MEX3B: variants seen among roughly 807,000 people sequenced by gnomAD.
MEX3B encodes the protein RNA-binding protein MEX3B.
MEX3B carries 10 observed loss-of-function variants against 12.2 expected under a neutral mutation model. The observed-to-expected ratio is 0.82, with a 90% CI of 0.51 to 1.40. MEX3B has a LOEUF of 1.40. MEX3B is among the 40% of genes most tolerant of loss of function. The probability of loss-of-function intolerance (pLI) is 0.00; values close to 1 mark genes in which losing one functional copy is unlikely to be tolerated. For missense variants in MEX3B, 839 were observed against 801.4 expected (o/e 1.05, Z -0.57); for synonymous variants, 498 against 356.3 (o/e 1.40, Z -4.48).
Position 82,043,402 on chromosome 15 carries a change from T to G in MEX3B, c.1468A>C (p.Thr490Pro), listed in dbSNP as rs778854304. The G allele has an allele frequency of 6.3e-7, 1 of 1,581,518 alleles. No homozygotes were observed. Among genetic ancestry groups the G allele is most frequent in the Non-Finnish European group, 8.6e-7 (1 of 1,163,796 alleles). ...AQLPGLQPSDTSGSSSSSSSS... is the reference protein window; with the variant it reads ...AQLPGLQPSDPSGSSSSSSSS... ...CTGGACGAAGAGGAGGAGCCCGACG[T>G]GTCCGACGGCTGCAAGCCAGGCAGC... is the stretch of plus-strand genomic sequence containing the variant. The change falls in exon 2 of 2, where the codon ACG (threonine) becomes CCG (proline). Residue 490 changes from threonine (T) to proline (P), a missense_variant. Thr to Pro is a conservative substitution (Grantham distance 38, BLOSUM62 -1). Around this residue, in one of 3 missense-constraint regions of MEX3B, gnomAD observed 573 missense variants for 488.9 expected, o/e 1.17. Coordinates refer to ENST00000329713, the MANE Select transcript of MEX3B (RefSeq NM_032246.6).
In MEX3B at chr15:82,044,331, C is replaced by T; in HGVS notation, c.539G>A (p.Gly180Asp). 6.2e-7 allele frequency: 1 copy of T among 1,612,572 alleles called. No homozygotes were observed. Among genetic ancestry groups the T allele is most frequent in the Non-Finnish European group, 8.5e-7 (1 of 1,179,960 alleles). The change falls in exon 2 of 2, where the codon GGC (glycine) becomes GAC (aspartate). Residue 180 changes from glycine to aspartate, a missense_variant. Transcript: ENST00000329713. The surrounding 1 kb of genome is among the most constrained non-coding windows in gnomAD (Gnocchi z 5.3). ...CTGCTGGATGCGCTTGATTGTGGCG[C>T]CTTTGGGCCCCACCACGAGCCCCAC... ...RVVGLVVGPK[G>D]ATIKRIQQQT...
At position 82,046,010 on chromosome 15, in the gene MEX3B, G is replaced by C. The variant is rs1159373534; in HGVS notation, c.-305C>G. 5 of 340,336 alleles carry C rather than the reference G, an allele frequency of 1.5e-5. No homozygotes were observed. The highest frequency in any genetic ancestry group is 1.1e-4 in the African/African-American group (5 of 46,790). 21.1% of individuals were successfully genotyped at this position (340,336 alleles called of 1,614,324 possible). Reference sequence around the variant, plus strand: ...CCCGGCTGGCTGGCCGCAATGCCGAGCGAAAAGCGAGCAGGCGAGCGACAG... The same window carrying C: ...CCCGGCTGGCTGGCCGCAATGCCGACCGAAAAGCGAGCAGGCGAGCGACAG... On this transcript the variant is annotated 5_prime_UTR_variant, in exon 1 of 2. Coordinates refer to ENST00000329713, the MANE Select transcript of MEX3B (RefSeq NM_032246.6).
In MEX3B at chr15:82,044,774, G is replaced by T; in HGVS notation, c.257-161C>A. The T allele has an allele frequency of 2.8e-6, 2 of 724,528 alleles. No individual in the cohort carries two copies. Among genetic ancestry groups the T allele is most frequent in the Non-Finnish European group, 4.6e-6 (2 of 435,378 alleles). The allele number at this position is 724,528 out of a possible 1,614,324, so 44.9% of individuals were successfully genotyped here. ...GCGTCTCCCTCACTGACCTCGGGCC[G>T]CGCCACGGGCTGGGCAGCGGATCCC... On this transcript the variant is annotated intron_variant, in intron 1 of 1. Transcript: ENST00000329713. This position sits in a 1 kb window ranked among gnomAD's most constrained non-coding sequence, Gnocchi z 5.3.
In MEX3B at chr15:82,043,970, A is replaced by G. The variant is rs780499648; in HGVS notation, c.900T>C (p.Tyr300=). ...SSLGSASTDS[Y]FGGGTSSSAA... Reference sequence around the variant, plus strand: ...CGCTGCTGCTGGTCCCGCCGCCGAAATAAGAGTCTGTGGAAGCACTGCCAA... The same window carrying G: ...CGCTGCTGCTGGTCCCGCCGCCGAAGTAAGAGTCTGTGGAAGCACTGCCAA... Residue 300 remains tyrosine (Y), a synonymous_variant, in exon 2 of 2, where the codon TAT becomes TAC. Transcript: ENST00000329713. The G allele has an allele frequency of 6.8e-6, 11 of 1,609,464 alleles. No homozygotes were observed. In the South Asian group the frequency reaches 8.8e-5, roughly 13 times the overall value.
chr15:82,044,572 T>A lies in MEX3B; in HGVS notation c.298A>T (p.Ile100Phe). 6.2e-7 allele frequency: 1 copy of A among 1,614,132 alleles called. No individual in the cohort carries two copies. The highest frequency in any genetic ancestry group is 8.5e-7 in the Non-Finnish European group (1 of 1,180,022). The change falls in exon 2 of 2, where the codon ATC becomes TTC. Residue 100 changes from isoleucine to phenylalanine, a missense_variant. Physicochemically the swap from Ile to Phe is conservative, Grantham distance 21. Coordinates refer to ENST00000329713, the MANE Select transcript of MEX3B (RefSeq NM_032246.6). The surrounding 1 kb of genome is among the most constrained non-coding windows in gnomAD (Gnocchi z 5.3). ...KALRAKTNTY[I>F]KTPVRGEEPV... The stretch of plus-strand genomic sequence containing the variant: ...TCCTCCCCGCGAACTGGGGTCTTGA[T>A]GTAAGTATTGGTCTTCGCCCGCAGC...
rs1040006824 is a variant in MEX3B, at chr15:82,042,593, T to A, written c.*567A>T. 8 of 152,638 alleles carry A rather than the reference T, an allele frequency of 5.2e-5. No individual in the cohort carries two copies. Among genetic ancestry groups the A allele is most frequent in the African/African-American group, 1.4e-4 (6 of 41,470 alleles). The allele number at this position is 152,638 out of a possible 1,614,324, so 9.5% of individuals were successfully genotyped here. On this transcript the variant is annotated 3_prime_UTR_variant, in exon 2 of 2. Transcript: ENST00000329713. ...AGAGATATGTTACAGTTTCTTTAAC[T>A]TTAATAAAGCTGCAGTATCCTGGTT...
At chr15:82,045,083 G>A in intron 1 of MEX3B, 2 of 597,598 alleles carry the variant, frequency 3.3e-6, no homozygotes, top group East Asian at 5.6e-5. Flanking sequence ...CAGAAATCCA[G>A]AATCCTCCTC....
rs536467770 is a variant in MEX3B at position 82,042,762 on chromosome 15, T to G, written c.*398A>C. The G allele has an allele frequency of 6.4e-6, 1 of 157,462 alleles. No individual in the cohort carries two copies. The highest frequency in any genetic ancestry group is 2.0e-4 in the South Asian group (1 of 4,902). 9.8% of individuals were successfully genotyped at this position (157,462 alleles called of 1,614,324 possible). ...GCACTACTATCATCTTCATCATAATTATTACTGTTCATTTTTTCCTACTTT... is the reference window on the plus strand; with the variant it reads ...GCACTACTATCATCTTCATCATAATGATTACTGTTCATTTTTTCCTACTTT... On this transcript the variant is annotated 3_prime_UTR_variant, in exon 2 of 2. Transcript: ENST00000329713.
At position 82,045,772 on chromosome 15, in the gene MEX3B, G is replaced by C; in HGVS notation, c.-67C>G. ...GGCGGCGAGAAGCTGCGGCCACAAA[G>C]GCAGCCGGGAAGCGGGTGGTCAGGG... On this transcript the variant is annotated 5_prime_UTR_variant, in exon 1 of 2. Coordinates refer to ENST00000329713, the MANE Select transcript of MEX3B (RefSeq NM_032246.6). 2 of 1,311,478 alleles carry C rather than the reference G, an allele frequency of 1.5e-6. No homozygotes were observed. The highest frequency in any genetic ancestry group is 9.6e-7 in the Non-Finnish European group (1 of 1,038,488). The allele number at this position is 1,311,478 out of a possible 1,614,324, so 81.2% of individuals were successfully genotyped here.
At position 82,043,510 on chromosome 15, in the gene MEX3B, G is replaced by A; in HGVS notation, c.1360C>T (p.His454Tyr). 1 of 1,518,868 alleles carries A rather than the reference G, an allele frequency of 6.6e-7. No homozygotes were observed. Among genetic ancestry groups the A allele is most frequent in the Non-Finnish European group, 8.8e-7 (1 of 1,132,566 alleles). The allele number at this position is 1,518,868 out of a possible 1,614,324, so 94.1% of individuals were successfully genotyped here. Residue 454 changes from histidine to tyrosine, a missense_variant, in exon 2 of 2, where the codon CAC (histidine) becomes TAC (tyrosine). By Grantham distance (83) the His-to-Tyr change is moderately conservative (BLOSUM62 2). Transcript: ENST00000329713. ...CTGCGCACCCGGCGAGCCAGGTGGT[G>A]CTCTCCCGCCCCCGGGGCCATGTGC... ...PLHMAPGAGE[H>Y]HLARRVRSDP...
chr15:82,045,186 G>A (rs1192562902), intron 1 of MEX3B: 3 of 621,854 alleles, frequency 4.8e-6, no homozygotes, highest in Non-Finnish European at 8.7e-6. Flanking sequence ...TGTCTTTCTG[G>A]AGGTGGGCTG....
chr15:82,045,528 G>T lies in MEX3B; in HGVS notation c.178C>A (p.Arg60Ser), dbSNP rs1306352908. 6.8e-6 allele frequency: 11 copies of T among 1,612,446 alleles called. No individual in the cohort carries two copies. Among genetic ancestry groups the T allele is most frequent in the African/African-American group, 1.3e-5 (1 of 74,988 alleles). Residue 60 changes from arginine to serine, a missense_variant, in exon 1 of 2, where the codon CGC becomes AGC. Transcript: ENST00000329713. ...TCGGTCATGTTCACGCTCTTCTTGCGCGGCTCGCTGTCGTACAGAGAGGCG... is the reference window on the plus strand; with the variant it reads ...TCGGTCATGTTCACGCTCTTCTTGCTCGGCTCGCTGTCGTACAGAGAGGCG... The part of the protein sequence containing the change: ...EGASLYDSEP[R>S]KKSVNMTECV...
In MEX3B at chr15:82,044,586, T is replaced by C; in HGVS notation, c.284A>G (p.Lys95Arg). ...QGCKIKALRA[K>R]TNTYIKTPVR... is the part of the protein sequence containing the mutation. ...TGGGGTCTTGATGTAAGTATTGGTC[T>C]TCGCCCGCAGCGCTTTGATTTTACA... The change falls in exon 2 of 2, where the codon AAG becomes AGG. Residue 95 changes from lysine to arginine, a missense_variant. Physicochemically the swap from Lys to Arg is conservative, Grantham distance 26. Coordinates refer to ENST00000329713, the MANE Select transcript of MEX3B (RefSeq NM_032246.6). The surrounding 1 kb of genome is among the most constrained non-coding windows in gnomAD (Gnocchi z 5.3). The C allele has an allele frequency of 6.2e-7, 1 of 1,614,180 alleles. No homozygotes were observed. Among genetic ancestry groups the C allele is most frequent in the Non-Finnish European group, 8.5e-7 (1 of 1,180,022 alleles).
chr15:82,045,318 T>C (rs2073250110), intron 1 of MEX3B, 132 bp downstream of exon 1: 5 of 1,126,152 alleles, frequency 4.4e-6, no homozygotes, highest in South Asian at 2.6e-5. Flanking sequence ...CGCCGGCCCA[T>C]CGCGCGGCTC....
rs761596707 is a variant in MEX3B at position 82,045,556 on chromosome 15, C to T, written c.150G>A (p.Glu50=). ...GCTCGCTGTCGTACAGAGAGGCGCC[C>T]TCGTCACTGTCCAGCCCCAGCAGGG... is the stretch of plus-strand genomic sequence containing the variant. The part of the protein sequence containing the change: ...QLSLLGLDSD[E]GASLYDSEPR... The change falls in exon 1 of 2, where the codon GAG becomes GAA. Residue 50 remains glutamate, a synonymous_variant. Coordinates refer to ENST00000329713, the MANE Select transcript of MEX3B (RefSeq NM_032246.6). The T allele has an allele frequency of 3.7e-6, 6 of 1,611,592 alleles. No homozygotes were observed. In the African/African-American group the frequency reaches 4.0e-5, roughly 11 times the overall value.
chr15:82,045,259 A>AGCG (rs1482193321), intron 1 of MEX3B, 191 bp downstream of exon 1: 1 of 738,984 alleles, frequency 1.4e-6, no homozygotes, highest in Admixed American at 2.0e-5. Context: ...CCGCCAGGGC[A>AGCG]GCGGCGCGGC....
intron 1 of MEX3B, chr15:82,045,238 G>A (rs976466531): frequency 2.2e-5 from 15 of 681,246 alleles, no homozygotes; most frequent in African/African-American, 1.4e-4. Context: ...TTTAGCAGAA[G>A]AAAGTGCATC....
In MEX3B at chr15:82,042,769, G is replaced by T. The variant is rs2073227738; in HGVS notation, c.*391C>A. ...TATCATCTTCATCATAATTATTACT[G>T]TTCATTTTTTCCTACTTTAAGAAAA... On this transcript the variant is annotated 3_prime_UTR_variant, in exon 2 of 2. Coordinates refer to ENST00000329713, the MANE Select transcript of MEX3B (RefSeq NM_032246.6). The T allele has an allele frequency of 6.3e-6, 1 of 158,822 alleles. No homozygotes were observed. The highest frequency in any genetic ancestry group is 2.4e-5 in the African/African-American group (1 of 41,624). 9.8% of individuals were successfully genotyped at this position (158,822 alleles called of 1,614,324 possible). A position where few individuals can be genotyped will look rare whatever the true frequency, so the allele number is the denominator to read the frequency against.
In MEX3B at chr15:82,043,261, G is replaced by C; in HGVS notation, c.1609C>G (p.Leu537Val). Residue 537 changes from leucine (L) to valine (V), a missense_variant, in exon 2 of 2, where the codon CTC becomes GTC. Coordinates refer to ENST00000329713, the MANE Select transcript of MEX3B (RefSeq NM_032246.6). ...CGATTGGCGCACTCCATGCAGAAGA[G>C]GTTGTGGCCACAGGGCACCAGCGCG... is the stretch of plus-strand genomic sequence containing the variant. ...IAALVPCGHN[L>V]FCMECANRIC... 1.2e-6 allele frequency: 2 copies of C among 1,611,158 alleles called. No homozygotes were observed. The highest frequency in any genetic ancestry group is 1.3e-5 in the African/African-American group (1 of 74,996).
Sources: gnomAD v4.1 joint callset for allele counts on GRCh38, gnomAD v4.1.1 for gene constraint, gnomAD v4.1.1 regional missense constraint, Gnocchi (gnomAD v3.1) non-coding constraint, MANE v1.5 for transcripts, NCBI Gene and HGNC (gene_info 2026-07-23, HGNC 2026-07-21) for gene names.